Variants in ABCA5 observed in about 807,000 individuals in gnomAD.
ABCA5 encodes the protein ATP binding cassette subfamily A member 5, also known as cholesterol transporter ABCA5.
ABCA5 carries 163 observed loss-of-function variants against 206.0 expected under a neutral mutation model. That is an observed-to-expected ratio of 0.79 (90% CI 0.70 to 0.90). The LOEUF (loss-of-function observed/expected upper bound fraction) is 0.90, where lower values mean the gene tolerates loss of function less well. Among genes scored for constraint, ABCA5 ranks in the 40% least tolerant of loss-of-function variants. ABCA5 has a pLI of 0.00. For missense variants in ABCA5, 1,859 were observed against 1,912.9 expected (o/e 0.97, Z 0.53); for synonymous variants, 609 against 613.8 (o/e 0.99, Z 0.11).
Position 69,267,897 on chromosome 17 carries a change from T to C in ABCA5, c.3144+46A>G, listed in dbSNP as rs187618335. The C allele has an allele frequency of 1.3e-5, 14 of 1,094,282 alleles. 1 individual carries two copies. In the Admixed American group the frequency reaches 2.3e-4, roughly 18 times the overall value. The allele number at this position is 1,094,282 out of a possible 1,614,324, so 67.8% of individuals were successfully genotyped here. A position where few individuals can be genotyped will look rare whatever the true frequency, so the allele number is the denominator to read the frequency against. Reference sequence around the variant, plus strand: ...ATCAAGCAAATAGGTTATTTTTATATGACACTTCTTATTAGCAAATTATAT... The same window carrying C: ...ATCAAGCAAATAGGTTATTTTTATACGACACTTCTTATTAGCAAATTATAT... On this transcript the variant is annotated intron_variant, in intron 23 of 38. Transcript: ENST00000392676.
Position 69,289,281 on chromosome 17 carries a change from G to A in ABCA5, c.1798C>T (p.Leu600=). 6.3e-7 allele frequency: 1 copy of A among 1,588,770 alleles called. No homozygotes were observed. Among genetic ancestry groups the A allele is most frequent in the Non-Finnish European group, 8.5e-7 (1 of 1,170,058 alleles). ...TTGATAGTCTGCATGTCTAAATCTA[G>A]TAAAACCTTCTGCACCTGTAAAAGT... ...NIIQEVQKVL[L]DLDMQTIKDN... Residue 600 remains leucine, a synonymous_variant, in exon 14 of 39, where the codon CTA becomes TTA. Transcript: ENST00000392676.
chr17:69,255,461 A>T, intron 31 of ABCA5, 82 bp downstream of exon 31: 2 of 863,172 alleles, frequency 2.3e-6, no homozygotes, highest in Non-Finnish European at 3.3e-6. Flanking sequence ...TTGAATATAA[A>T]ATCCGAATTT....
rs2075648965 is a variant in ABCA5 at position 69,301,194 on chromosome 17, T to C, written c.1212A>G (p.Thr404=). 1.2e-6 allele frequency: 2 copies of C among 1,600,750 alleles called. No individual in the cohort carries two copies. Among genetic ancestry groups the C allele is most frequent in the Non-Finnish European group, 1.7e-6 (2 of 1,176,096 alleles). ...YPLIITIIML[T]LNSIFYVLLA... Reference sequence around the variant, plus strand: ...AGAGGACATAGAATATACTATTAAGTGTGAGCATGATAATTGTAATAATTA... The same window carrying C: ...AGAGGACATAGAATATACTATTAAGCGTGAGCATGATAATTGTAATAATTA... The change falls in exon 9 of 39, where the codon ACA becomes ACG. Residue 404 remains threonine (T), a synonymous_variant. Transcript: ENST00000392676.
chr17:69,288,420 C>T (rs2075484711), intron 14 of ABCA5, among the ~76,000 whole-genome samples: 1 of 152,064 alleles, frequency 6.6e-6, no homozygotes, highest in South Asian at 2.1e-4. Context: ...CTGAATCACT[C>T]CTTTGATTTT....
intron 7 of ABCA5, among the ~76,000 whole-genome samples, chr17:69,303,606 T>TA (rs1356931313): frequency 1.3e-4 from 17 of 135,448 alleles, no homozygotes; most frequent in East Asian, 8.6e-4. Context: ...ATTCATAAGA[T>TA]AAAAAAAACA....
At chr17:69,296,659 T>TCCATCCAAACATAAAATTTC (rs531190538) in intron 10 of ABCA5, among the ~76,000 whole-genome samples, 3 of 152,318 alleles carry the variant, frequency 2.0e-5, no homozygotes, top group Admixed American at 2.0e-4. Flanking sequence ...TTTAAAATTT[T>TCCATCCAAACATAAAATTTC]CCATCCAAAC....
chr17:69,291,150 T>G (rs1405522197), intron 12 of ABCA5, 66 bp downstream of exon 12: 13 of 1,057,728 alleles, frequency 1.2e-5, no homozygotes, highest in Non-Finnish European at 1.6e-5. Flanking sequence ...TTGACAAAAA[T>G]TATTCAATAC....
At chr17:69,249,146 A>G (rs1382349301) in intron 37 of ABCA5, 1 of 152,232 alleles carries the variant, frequency 6.6e-6, no homozygotes, top group African/African-American at 2.4e-5. Context: ...GAATATATAC[A>G]GTATCAGGAA....
intron 1 of ABCA5, among the ~76,000 whole-genome samples, chr17:69,325,501 A>T (rs1194806374): frequency 6.6e-6 from 1 of 152,192 alleles, no homozygotes; most frequent in African/African-American, 2.4e-5. Flanking sequence ...ATACTAGAAA[A>T]GTTATGACTT....
At chr17:69,289,145 T>C (rs1162226447) in intron 14 of ABCA5, 32 bp downstream of exon 14, 1 of 1,577,554 alleles carries the variant, frequency 6.3e-7, no homozygotes, top group Non-Finnish European at 8.6e-7. Context: ...TAATTTAAAA[T>C]GAGCTCATCT....
At chr17:69,268,360 T>C (rs2075235133) in intron 22 of ABCA5, among the ~76,000 whole-genome samples, 1 of 152,088 alleles carries the variant, frequency 6.6e-6, no homozygotes, top group East Asian at 1.9e-4. Context: ...CACAATTTCA[T>C]AAAAATGAAT....
chr17:69,254,355 T>G lies in ABCA5; in HGVS notation c.4204A>C (p.Lys1402Gln), dbSNP rs753288573. ...TTCATGTCACTTGCACTCATTCCTT[T>G]GACAGCTCCATAAATTTCAAAATGT... is the stretch of plus-strand genomic sequence containing the variant. ...QEHFEIYGAVKGMSASDMKEV... is the reference protein window; with the variant it reads ...QEHFEIYGAVQGMSASDMKEV... The change falls in exon 32 of 39, where the codon AAA becomes CAA. Residue 1402 changes from lysine to glutamine, a missense_variant. Lys to Gln is a moderately conservative substitution (Grantham distance 53). Coordinates refer to ENST00000392676, the MANE Select transcript of ABCA5 (RefSeq NM_172232.4). 4 of 1,613,546 alleles carry G rather than the reference T, an allele frequency of 2.5e-6. No homozygotes were observed. The Admixed American group carries it at 5.0e-5, about 20-fold the overall frequency.
chr17:69,297,443 C>T, intron 9 of ABCA5, 84 bp from the exon 10 acceptor site: 3 of 1,269,622 alleles, frequency 2.4e-6, no homozygotes, highest in Non-Finnish European at 3.3e-6. Context: ...TGACAACCTG[C>T]ATCTAAAGTT....
At chr17:69,309,879 C>A (rs1018124367) in intron 3 of ABCA5, among the ~76,000 whole-genome samples, 1 of 151,900 alleles carries the variant, frequency 6.6e-6, no homozygotes, top group African/African-American at 2.4e-5. Context: ...ATTCTTCCAA[C>A]AAAATAATAA....
Position 69,275,159 on chromosome 17 carries a change from G to A in ABCA5, c.2595-1031C>T, listed in dbSNP as rs372013753. 7.2e-5 allele frequency among the ~76,000 whole-genome samples: 11 copies of A among 152,006 alleles called. No homozygotes were observed. In the East Asian group the frequency reaches 1.5e-3, roughly 21 times the overall value. On this transcript the variant is annotated intron_variant, in intron 19 of 38. Transcript: ENST00000392676. The stretch of plus-strand genomic sequence containing the variant: ...GCACCCAGCCCCATTTACTTTTCAC[G>A]TAACAAGAAAAATATTTTAGATATA...
intron 31 of ABCA5, 114 bp from the exon 32 acceptor site, chr17:69,254,604 T>G: frequency 2.9e-6 from 2 of 699,798 alleles, no homozygotes; most frequent in Non-Finnish European, 4.6e-6. Context: ...AAGTCAGATT[T>G]GTACTCCTTT....
chr17:69,266,571 A>AAT (rs201203170), intron 23 of ABCA5, among the ~76,000 whole-genome samples: 120 of 146,532 alleles, frequency 8.2e-4, no homozygotes, highest in East Asian at 1.6e-3. Flanking sequence ...GTATAATAAA[A>AAT]ATATATATAT....
intron 7 of ABCA5, among the ~76,000 whole-genome samples, chr17:69,303,829 T>TATACAC (rs2075684344): frequency 8.9e-4 from 13 of 14,598 alleles, no homozygotes; most frequent in African/African-American, 1.8e-3. Context: ...TATATATGTA[T>TATACAC]ATATATATAT....
At chr17:69,256,044 AT>A (rs1369879535) in intron 29 of ABCA5, 112 bp downstream of exon 29, 2 of 1,373,372 alleles carry the variant, frequency 1.5e-6, no homozygotes, top group African/African-American at 1.5e-5. Context: ...TCCAAGAAAG[AT>A]TTTTTTCAGA....
Sources: gnomAD v4.1 joint callset for allele counts (sites outside exome capture counted in the v4.1 genomes callset) on GRCh38, gnomAD v4.1.1 for gene constraint, MANE v1.5 for transcripts, NCBI Gene and HGNC (gene_info 2026-07-23, HGNC 2026-07-21) for gene names.